The following CXADR variants were observed in gnomAD, a reference collection of about 807,000 sequenced individuals.
CXADR encodes the protein CXADR cell adhesion molecule, also known as coxsackievirus and adenovirus receptor.
In CXADR, 20 loss-of-function variants were observed where a neutral mutation model predicts 40.3. That is an observed-to-expected ratio of 0.50 (90% CI 0.35 to 0.72). The LOEUF is 0.72. Ranked by LOEUF, CXADR falls within the 30% of genes least tolerant of loss-of-function variation. The pLI is 0.01. For synonymous variants in CXADR, 150 were observed against 161.3 expected (o/e 0.93, Z 0.53); for missense variants, 332 against 449.1 (o/e 0.74, Z 2.36).
At chr21:17,513,236 A>C in intron 1 of CXADR, 64 bp downstream of exon 1, 1 of 1,319,046 alleles carries the variant, frequency 7.6e-7, no homozygotes, top group Non-Finnish European at 9.7e-7. Context: ...GCCCGCGGCC[A>C]CCCAGGAACA....
chr21:17,521,037 G>C (rs1349857440), intron 1 of CXADR, among the ~76,000 whole-genome samples: 2 of 152,168 alleles, frequency 1.3e-5, no homozygotes, highest in African/African-American at 4.8e-5. Flanking sequence ...ATTCACTGCT[G>C]TTAGGTGGCG....
chr21:17,530,880 A>C (rs767797642), intron 1 of CXADR, among the ~76,000 whole-genome samples: 1 of 152,204 alleles, frequency 6.6e-6, no homozygotes, highest in African/African-American at 2.4e-5. Flanking sequence ...TATGCACATA[A>C]ATTTCTCCCT....
chr21:17,548,675 G>A (rs1025358026), intron 2 of CXADR, among the ~76,000 whole-genome samples: 6 of 152,236 alleles, frequency 3.9e-5, no homozygotes, highest in African/African-American at 1.4e-4. Flanking sequence ...TGCTTCTGCT[G>A]AGTGAAGCTT....
chr21:17,609,300 C>A, the CXADR span: 1 of 741,616 alleles, frequency 1.3e-6, no homozygotes, highest in Middle Eastern at 3.9e-4. Context: ...AAGTAGAGAA[C>A]AATCTACTTA....
intron 7 of CXADR, among the ~76,000 whole-genome samples, chr21:17,582,050 CT>C (rs1172590140): frequency 0.017 from 1 of 60 alleles, no homozygotes; most frequent in Non-Finnish European, 0.031. Context: ...TCAAGTGATT[CT>C]CCTTGTCTCA....
At chr21:17,604,850 G>A in the CXADR span, 12 of 1,611,254 alleles carry the variant, frequency 7.4e-6, no homozygotes, top group African/African-American at 4.0e-5. Flanking sequence ...CTCTAAACTT[G>A]AGAACTCACC....
intron 7 of CXADR, among the ~76,000 whole-genome samples, chr21:17,589,744 C>T (rs1053471042): frequency 2.0e-5 from 3 of 151,904 alleles, no homozygotes; most frequent in African/African-American, 4.8e-5. Context: ...ACACTTATTA[C>T]GTAGGTAATG....
intron 3 of CXADR, among the ~76,000 whole-genome samples, chr21:17,553,638 T>C (rs62239885): frequency 6.6e-6 from 1 of 150,418 alleles, no homozygotes; most frequent in African/African-American, 2.5e-5. Context: ...TTTTTTCTTT[T>C]TGAGACCAAG....
chr21:17,600,655 TCAAAAAAA>T, the CXADR span, among the ~76,000 whole-genome samples: 8 of 151,440 alleles, frequency 5.3e-5, no homozygotes, highest in Non-Finnish European at 5.9e-5. Flanking sequence ...ACCCTGTCTC[TCAAAAAAA>T]CAAAAAAACA....
At chr21:17,595,200 A>G (rs1231896408), downstream of CXADR, among the ~76,000 whole-genome samples, 1 of 152,070 alleles carries the variant, frequency 6.6e-6, no homozygotes, top group Non-Finnish European at 1.5e-5. Flanking sequence ...CACATTATTC[A>G]AAGTGTTCTT....
chr21:17,553,614 C>CTTTTTTTTTTTTTTTTTTT (rs10710377), intron 3 of CXADR, among the ~76,000 whole-genome samples: 1 of 128,274 alleles, frequency 7.8e-6, no homozygotes, highest in Non-Finnish European at 1.7e-5. Flanking sequence ...GGTCCGAATT[C>CTTTTTTTTTTTTTTTTTTT]TTTTTTTTTT....
chr21:17,598,188 T>G (rs2061527858), downstream of CXADR, among the ~76,000 whole-genome samples: 1 of 152,080 alleles, frequency 6.6e-6, no homozygotes. Context: ...TGTTTCAGCT[T>G]GAGTAAAATA....
At chr21:17,634,869 C>A in the CXADR span, among the ~76,000 whole-genome samples, 1 of 152,164 alleles carries the variant, frequency 6.6e-6, no homozygotes, top group Non-Finnish European at 1.5e-5. Context: ...AATCCTCCTG[C>A]CTAAGCATCC....
chr21:17,558,263 C>T (rs1174158631), intron 3 of CXADR, among the ~76,000 whole-genome samples: 3 of 151,814 alleles, frequency 2.0e-5, no homozygotes, highest in South Asian at 2.1e-4. Context: ...CAAGTAGCTA[C>T]GACCACAGGC....
the CXADR span, chr21:17,612,888 G>A: frequency 6.6e-6 from 1 of 151,992 alleles, no homozygotes; most frequent in South Asian, 2.1e-4. Flanking sequence ...GGGCGGACGA[G>A]CGCGCACACG....
chr21:17,564,584 G>A (rs2061177499), intron 6 of CXADR, among the ~76,000 whole-genome samples: 1 of 152,076 alleles, frequency 6.6e-6, no homozygotes, highest in Non-Finnish European at 1.5e-5. Flanking sequence ...TGGAGGGCCA[G>A]TTGAGCTCTC....
the CXADR span, among the ~76,000 whole-genome samples, chr21:17,610,298 C>T: frequency 1.3e-5 from 2 of 152,190 alleles, no homozygotes; most frequent in African/African-American, 4.8e-5. Flanking sequence ...TTGAACTGTA[C>T]ATTTTAAATG....
At chr21:17,546,697 C>A (rs934212323) in intron 1 of CXADR, among the ~76,000 whole-genome samples, 41 of 152,178 alleles carry the variant, frequency 2.7e-4, no homozygotes, top group Non-Finnish European at 4.4e-4. Flanking sequence ...CTGTATCACT[C>A]ACCTTTCAGA....
chr21:17,590,059 A>G (rs534173096), intron 7 of CXADR, among the ~76,000 whole-genome samples: 2 of 152,170 alleles, frequency 1.3e-5, no homozygotes, highest in East Asian at 3.9e-4. Flanking sequence ...TTCCCTATGG[A>G]TTTATATTTT....
Sources: allele counts gnomAD v4.1 joint callset (sites outside exome capture counted in the v4.1 genomes callset), GRCh38; gene constraint gnomAD v4.1.1; transcripts MANE v1.5; gene names NCBI Gene and HGNC (gene_info 2026-07-23, HGNC 2026-07-21).